The following ORC5 variants were observed in gnomAD, a reference collection of about 807,000 sequenced individuals.
The protein encoded by ORC5 is protein phosphatase 1, regulatory subunit 117.
A neutral mutation model predicts 58.8 loss-of-function variants in ORC5; 39 were observed. The ratio of observed to expected loss-of-function variants is 0.66; its 90% CI spans 0.51 to 0.87. ORC5 has a LOEUF of 0.87. ORC5 is among the 40% of genes least tolerant of loss of function. The pLI is 0.00. For synonymous variants in ORC5, 218 were observed against 177.6 expected (o/e 1.23, Z -1.81); for missense variants, 493 against 506.3 (o/e 0.97, Z 0.25).
chr7:104,177,981 T>G (rs965561132), intron 8 of ORC5, among the ~76,000 whole-genome samples: 2 of 152,210 alleles, frequency 1.3e-5, no homozygotes, highest in African/African-American at 4.8e-5. Context: ...TGATGGGCAT[T>G]TGGGTTGGTT....
At chr7:104,144,711 C>G (rs779338423) in intron 12 of ORC5, among the ~76,000 whole-genome samples, 10 of 152,184 alleles carry the variant, frequency 6.6e-5, no homozygotes, top group Non-Finnish European at 1.3e-4. Context: ...GAGCTGAGAT[C>G]GTGCCACTGT....
At chr7:104,163,803 TTAC>T (rs1171798141) in intron 11 of ORC5, among the ~76,000 whole-genome samples, 1 of 152,214 alleles carries the variant, frequency 6.6e-6, no homozygotes, top group Non-Finnish European at 1.5e-5. Context: ...GATTTGCTTT[TTAC>T]TACAAGCATA....
At chr7:104,135,074 C>G (rs1244354197) in intron 13 of ORC5, among the ~76,000 whole-genome samples, 1 of 152,140 alleles carries the variant, frequency 6.6e-6, no homozygotes, top group Non-Finnish European at 1.5e-5. Context: ...ATGCTCTGCA[C>G]TAAGTAACGT....
chr7:104,191,697 G>T (rs1320026032), intron 5 of ORC5, among the ~76,000 whole-genome samples: 1 of 151,878 alleles, frequency 6.6e-6, no homozygotes, highest in African/African-American at 2.4e-5. Context: ...AGCTCTAACA[G>T]TCTAGGACTA....
At chr7:104,160,318 T>G (rs932503918) in intron 12 of ORC5, among the ~76,000 whole-genome samples, 3 of 152,176 alleles carry the variant, frequency 2.0e-5, no homozygotes, top group Admixed American at 6.5e-5. Flanking sequence ...AACGCAGGCA[T>G]TATTTACATA....
intron 12 of ORC5, among the ~76,000 whole-genome samples, chr7:104,140,815 TTA>T (rs1798661792): frequency 1.3e-5 from 2 of 152,334 alleles, no homozygotes; most frequent in Admixed American, 6.5e-5. Flanking sequence ...TTTCTCTTAC[TTA>T]TTAAGGTATC....
At chr7:104,184,704 G>A (rs1267052671) in intron 6 of ORC5, among the ~76,000 whole-genome samples, 3 of 152,084 alleles carry the variant, frequency 2.0e-5, no homozygotes, top group African/African-American at 7.3e-5. Context: ...ATTTTGTGAG[G>A]GAGATTTGCA....
Position 104,160,956 on chromosome 7 carries a change from T to C in ORC5, c.1149+116A>G, listed in dbSNP as rs574116263. On this transcript the variant is annotated intron_variant, in intron 12 of 13. Coordinates refer to ENST00000297431, the MANE Select transcript of ORC5 (RefSeq NM_002553.4). ...TACTTACCAAAAACATGGTTCATTA[T>C]ATAGTTAAAACAGTAACATATGTTG... The C allele has an allele frequency of 5.5e-5, 36 of 651,418 alleles. No homozygotes were observed. The African/African-American group carries it at 6.6e-4, about 12-fold the overall frequency. The allele number at this position is 651,418 out of a possible 1,614,324, so 40.4% of individuals were successfully genotyped here.
At chr7:104,130,042 TTGAG>T (rs925661439) in intron 13 of ORC5, among the ~76,000 whole-genome samples, 3 of 152,156 alleles carry the variant, frequency 2.0e-5, no homozygotes, top group African/African-American at 7.2e-5. Flanking sequence ...TGTGGGCAGT[TTGAG>T]TTTGAGATTT....
At chr7:104,184,765 A>AC (rs1170105489) in intron 6 of ORC5, among the ~76,000 whole-genome samples, 3 of 152,004 alleles carry the variant, frequency 2.0e-5, no homozygotes, top group African/African-American at 7.3e-5. Flanking sequence ...TTCTCTGATC[A>AC]CCCCCCACCT....
rs144083041 is a variant in ORC5, at chr7:104,145,906, C to T, written c.1150-9013G>A. Reference sequence around the variant, plus strand: ...CCCCTGGATTAAAGAAGAATCCTGACGAAAGATCTGGCAATTCTATATCTA... The same window carrying T: ...CCCCTGGATTAAAGAAGAATCCTGATGAAAGATCTGGCAATTCTATATCTA... On this transcript the variant is annotated intron_variant, in intron 12 of 13. Coordinates refer to ENST00000297431, the MANE Select transcript of ORC5 (RefSeq NM_002553.4). 1.5e-3 allele frequency among the ~76,000 whole-genome samples: 228 copies of T among 152,176 alleles called. 1 individual carries two copies. Among genetic ancestry groups the T allele is most frequent in the African/African-American group, 4.9e-3 (203 of 41,512 alleles).
chr7:104,140,578 T>A (rs886920561), intron 12 of ORC5, among the ~76,000 whole-genome samples: 1 of 152,316 alleles, frequency 6.6e-6, no homozygotes, highest in South Asian at 2.1e-4. Context: ...CTGAAATTTG[T>A]TGAGGCAGCT....
At chr7:104,161,043 G>T (rs1799013572) in intron 12 of ORC5, 29 bp downstream of exon 12, 1 of 1,168,832 alleles carries the variant, frequency 8.6e-7, no homozygotes, top group Non-Finnish European at 1.3e-6. Flanking sequence ...CCACAAAGAT[G>T]ACAGATAATA....
At chr7:104,204,546 T>C (rs932108007) in intron 1 of ORC5, among the ~76,000 whole-genome samples, 5 of 152,024 alleles carry the variant, frequency 3.3e-5, no homozygotes, top group Non-Finnish European at 7.4e-5. Flanking sequence ...ATTTAAGAGA[T>C]TTTTCAAGGA....
At chr7:104,195,348 C>T in intron 4 of ORC5, 94 bp from the exon 5 acceptor site, 1 of 615,230 alleles carries the variant, frequency 1.6e-6, no homozygotes, top group Non-Finnish European at 2.8e-6. Flanking sequence ...TACATCCCCC[C>T]AGAGTTCTAA....
chr7:104,139,721 A>G (rs903250422), intron 12 of ORC5, among the ~76,000 whole-genome samples: 2 of 152,082 alleles, frequency 1.3e-5, no homozygotes, highest in Non-Finnish European at 1.5e-5. Context: ...AATATCTTTT[A>G]TAAATATTGT....
Position 104,197,605 on chromosome 7 carries a change from T to C in ORC5, c.441+120A>G, listed in dbSNP as rs1461867408. 4.9e-6 allele frequency: 3 copies of C among 610,462 alleles called. No homozygotes were observed. In the South Asian group the frequency reaches 6.9e-5, roughly 14 times the overall value. The allele number at this position is 610,462 out of a possible 1,614,324, so 37.8% of individuals were successfully genotyped here. A position where few individuals can be genotyped will look rare whatever the true frequency, so the allele number is the denominator to read the frequency against. ...CACTGAGCTTTACTGATAAAAGAAATGCAAACTAAAATTATATTAAAATAC... is the reference window on the plus strand; with the variant it reads ...CACTGAGCTTTACTGATAAAAGAAACGCAAACTAAAATTATATTAAAATAC... On this transcript the variant is annotated intron_variant, in intron 4 of 13. Coordinates refer to ENST00000297431, the MANE Select transcript of ORC5 (RefSeq NM_002553.4).
At chr7:104,179,539 GT>G (rs199698766) in intron 8 of ORC5, among the ~76,000 whole-genome samples, 6,868 of 147,186 alleles carry the variant, frequency 0.047, 507 homozygotes, top group African/African-American at 0.16. Context: ...TTAGAAAGAA[GT>G]TTTTTTTTTT....
intron 12 of ORC5, among the ~76,000 whole-genome samples, chr7:104,147,075 T>C: frequency 6.6e-6 from 1 of 152,322 alleles, no homozygotes; most frequent in African/African-American, 2.4e-5. Flanking sequence ...AGAATAAATG[T>C]TATCTCAAAA....
Sources: allele counts gnomAD v4.1 joint callset (sites outside exome capture counted in the v4.1 genomes callset), GRCh38; gene constraint gnomAD v4.1.1; transcripts MANE v1.5; gene names NCBI Gene and HGNC (gene_info 2026-07-23, HGNC 2026-07-21).